The following ALKBH1 variants were observed in gnomAD, a reference collection of about 807,000 sequenced individuals.
ALKBH1 encodes nucleic acid dioxygenase ALKBH1.
Under a neutral mutation model 36.6 loss-of-function variants are expected in ALKBH1, and 31 were observed. The observed-to-expected ratio is 0.85, with a 90% CI of 0.64 to 1.14. The LOEUF (loss-of-function observed/expected upper bound fraction) is 1.14, where lower values mean the gene tolerates loss of function less well. Among genes scored for constraint, ALKBH1 ranks in the 50% most tolerant of loss-of-function variants. The pLI is 0.00. For missense variants in ALKBH1, 490 were observed against 497.3 expected (o/e 0.99, Z 0.14); for synonymous variants, 183 against 186.6 (o/e 0.98, Z 0.16).
At chr14:77,681,351 G>A (rs1174199651) in intron 3 of ALKBH1, among the ~76,000 whole-genome samples, 2 of 152,148 alleles carry the variant, frequency 1.3e-5, no homozygotes, top group South Asian at 2.1e-4. Context: ...AGTTGAGCAC[G>A]GCACTGAAGA....
At chr14:77,705,930 C>T (rs2080387088) in intron 1 of ALKBH1, among the ~76,000 whole-genome samples, 1 of 152,082 alleles carries the variant, frequency 6.6e-6, no homozygotes, top group Non-Finnish European at 1.5e-5. Flanking sequence ...TGGCGCGTGC[C>T]TGTAGTCCCA....
intron 3 of ALKBH1, among the ~76,000 whole-genome samples, chr14:77,691,116 T>C (rs767797096): frequency 7.9e-5 from 12 of 152,218 alleles, no homozygotes; most frequent in Non-Finnish European, 1.3e-4. Context: ...ATAACTCTTG[T>C]ACACTTTTAC....
chr14:77,695,128 A>G, intron 2 of ALKBH1, among the ~76,000 whole-genome samples: 1 of 152,186 alleles, frequency 6.6e-6, no homozygotes, highest in East Asian at 1.9e-4. Context: ...ATTCCACAAC[A>G]ACTGTTATCC....
At chr14:77,674,462 C>G (rs1246243215) in intron 5 of ALKBH1, among the ~76,000 whole-genome samples, 2 of 152,052 alleles carry the variant, frequency 1.3e-5, no homozygotes, top group African/African-American at 2.4e-5. Flanking sequence ...TGACAGCCCA[C>G]AGAACTGCTG....
chr14:77,681,336 T>C (rs140289070), intron 3 of ALKBH1, among the ~76,000 whole-genome samples: 314 of 152,028 alleles, frequency 2.1e-3, no homozygotes, highest in African/African-American at 7.2e-3. Flanking sequence ...CTTGGCAGAG[T>C]TGGGAGTTGA....
chr14:77,693,508 G>T (rs199705434), intron 3 of ALKBH1, among the ~76,000 whole-genome samples: 1 of 152,134 alleles, frequency 6.6e-6, no homozygotes, highest in Admixed American at 6.5e-5. Flanking sequence ...CTGAATAAAC[G>T]TAAGAAAGTA....
chr14:77,676,421 G>C (rs1446480113), intron 4 of ALKBH1, among the ~76,000 whole-genome samples: 1 of 152,082 alleles, frequency 6.6e-6, no homozygotes, highest in Non-Finnish European at 1.5e-5. Context: ...CCTCTAGTTA[G>C]TATACTCTAT....
chr14:77,683,147 GTCT>G (rs1555383777), intron 3 of ALKBH1: 1 of 464,714 alleles, frequency 2.2e-6, no homozygotes. Flanking sequence ...AAGCTGTAAA[GTCT>G]TTTTTTTTTT....
intron 3 of ALKBH1, among the ~76,000 whole-genome samples, chr14:77,693,122 C>T (rs2080306925): frequency 6.6e-6 from 1 of 150,702 alleles, no homozygotes; most frequent in Admixed American, 6.7e-5. Flanking sequence ...AGGAGAATTG[C>T]TTGAACCCGG....
At chr14:77,702,772 C>T (rs1037100518) in intron 2 of ALKBH1, among the ~76,000 whole-genome samples, 2 of 152,034 alleles carry the variant, frequency 1.3e-5, no homozygotes, top group Non-Finnish European at 2.9e-5. Flanking sequence ...GGCACGATCT[C>T]GGCTCACTGC....
At chr14:77,675,593 A>G in intron 5 of ALKBH1, 63 bp downstream of exon 5, 2 of 1,450,234 alleles carry the variant, frequency 1.4e-6, no homozygotes, top group Non-Finnish European at 1.9e-6. Flanking sequence ...TTTTAGAGTA[A>G]AATGTCTTAG....
chr14:77,707,797 A>T, intron 1 of ALKBH1, 25 bp downstream of exon 1: 1 of 1,566,272 alleles, frequency 6.4e-7, no homozygotes, highest in Non-Finnish European at 8.7e-7. Context: ...CGATGGAGAG[A>T]CGCGCGCCAC....
Position 77,675,660 on chromosome 14 carries a change from A to ATGACAGCAAGGGTTT in ALKBH1, c.721_735dup (p.Lys241_Ser245dup). On this transcript the variant is annotated inframe_insertion, in exon 5 of 6. Coordinates refer to ENST00000216489, the MANE Select transcript of ALKBH1 (RefSeq NM_006020.3). ...AAATCCCTGGAACTAACTCACCTGA[A>ATGACAGCAAGGGTTT]TGACAGCAAGGGTTTGGAGTGATCT... 6.3e-7 allele frequency: 1 copy of ATGACAGCAAGGGTTT among 1,599,838 alleles called. No individual in the cohort carries two copies. The highest frequency in any genetic ancestry group is 8.6e-7 in the Non-Finnish European group (1 of 1,169,384).
At chr14:77,680,842 G>A (rs935700125) in intron 3 of ALKBH1, among the ~76,000 whole-genome samples, 1 of 152,000 alleles carries the variant, frequency 6.6e-6, no homozygotes, top group Non-Finnish European at 1.5e-5. Flanking sequence ...ACTACGCCCA[G>A]CTAATTTTGT....
At chr14:77,675,104 A>G (rs2080197649) in intron 5 of ALKBH1, among the ~76,000 whole-genome samples, 2 of 152,096 alleles carry the variant, frequency 1.3e-5, no homozygotes, top group African/African-American at 4.8e-5. Context: ...CCACTTGTCT[A>G]TTCCACAGAG....
chr14:77,704,792 T>C (rs1263224313), intron 1 of ALKBH1, among the ~76,000 whole-genome samples: 6 of 152,354 alleles, frequency 3.9e-5, no homozygotes, highest in South Asian at 4.1e-4. Flanking sequence ...TTACTTGATC[T>C]GGGCATTTTA....
At chr14:77,701,053 C>T (rs1308669282) in intron 2 of ALKBH1, among the ~76,000 whole-genome samples, 3 of 152,132 alleles carry the variant, frequency 2.0e-5, no homozygotes, top group Non-Finnish European at 4.4e-5. Flanking sequence ...CGTGATTGTG[C>T]TACTGCACCC....
chr14:77,678,913 T>C (rs2139844830), intron 4 of ALKBH1, among the ~76,000 whole-genome samples: 1 of 151,872 alleles, frequency 6.6e-6, no homozygotes, highest in East Asian at 1.9e-4. Context: ...CCTCCCAGGC[T>C]CAAGCGATCC....
Position 77,704,421 on chromosome 14 carries a change from T to C in ALKBH1, c.240A>G (p.Ala80=), listed in dbSNP as rs1045622360. 11 of 1,614,220 alleles carry C rather than the reference T, an allele frequency of 6.8e-6. No homozygotes were observed. Among genetic ancestry groups the C allele is most frequent in the Non-Finnish European group, 9.3e-6 (11 of 1,180,016 alleles). Residue 80 remains alanine, a synonymous_variant, in exon 2 of 6, where the codon GCA becomes GCG. Coordinates refer to ENST00000216489, the MANE Select transcript of ALKBH1 (RefSeq NM_006020.3). The part of the protein sequence containing the change: ...SSVSEQNAYR[A]GLQPVSKWQA... The stretch of plus-strand genomic sequence containing the variant: ...GCCACTTGCTGACGGGCTGAAGACC[T>C]GCTCTATATGCATTCTGCTCACTGA...
Sources: allele counts gnomAD v4.1 joint callset (sites outside exome capture counted in the v4.1 genomes callset), GRCh38; gene constraint gnomAD v4.1.1; transcripts MANE v1.5; gene names NCBI Gene and HGNC (gene_info 2026-07-23, HGNC 2026-07-21).